The following GRM8 variants were observed in gnomAD, a reference collection of about 807,000 sequenced individuals.
GRM8 encodes the protein glutamate metabotropic receptor 8, also known as metabotropic glutamate receptor 8.
In GRM8, 47 loss-of-function variants were observed where a neutral mutation model predicts 87.2. The observed-to-expected ratio is 0.54, with a 90% CI of 0.43 to 0.69. The LOEUF (loss-of-function observed/expected upper bound fraction) is 0.69, where lower values mean the gene tolerates loss of function less well. GRM8 is among the 30% of genes least tolerant of loss of function. The pLI, the probability that GRM8 is intolerant of heterozygous loss-of-function variation, is 0.00. For synonymous variants in GRM8, 396 were observed against 404.5 expected (o/e 0.98, Z 0.25); for missense variants, 1,019 against 1,139.2 (o/e 0.89, Z 1.52).
At chr7:126,904,448 G>T in intron 4 of GRM8, 100 bp downstream of exon 4, 1 of 1,153,620 alleles carries the variant, frequency 8.7e-7, no homozygotes, top group Non-Finnish European at 1.3e-6. Flanking sequence ...GTCTGTTATT[G>T]GAAGGCAATT....
chr7:126,930,072 CTG>C (rs2131432291), intron 3 of GRM8, among the ~76,000 whole-genome samples: 1 of 152,266 alleles, frequency 6.6e-6, no homozygotes, highest in African/African-American at 2.4e-5. Flanking sequence ...AATCATAGCC[CTG>C]TGTCTTCACC....
At position 126,685,138 on chromosome 7, in the gene GRM8, TTGACAGCCAC is replaced by T. The variant is rs1165675857; in HGVS notation, c.1358-75650_1358-75641del. On this transcript the variant is annotated intron_variant, in intron 7 of 10. Transcript: ENST00000339582. The surrounding 1 kb of genome is among the most constrained non-coding windows in gnomAD (Gnocchi z 4.2). ...CAGGCCCCGGCCCCGCTTGCCACTC[TTGACAGCCAC>T]TGCTATGGGGAGTTCATGGGGAAGA... Among the ~76,000 whole-genome samples, 1 of 152,202 alleles carries T rather than the reference TTGACAGCCAC, an allele frequency of 6.6e-6. No individual in the cohort carries two copies. The highest frequency in any genetic ancestry group is 2.4e-5 in the African/African-American group (1 of 41,458).
intron 2 of GRM8, among the ~76,000 whole-genome samples, chr7:127,155,980 T>C (rs11563405): frequency 0.077 from 11,695 of 152,236 alleles, 627 homozygotes; most frequent in Middle Eastern, 0.12. Context: ...AGGCTGCCAA[T>C]GTTTAATAAC....
intron 6 of GRM8, among the ~76,000 whole-genome samples, chr7:126,807,357 A>G (rs79998218): frequency 1.8e-3 from 277 of 152,342 alleles, no homozygotes; most frequent in African/African-American, 6.3e-3. Flanking sequence ...AAAAAGGAAT[A>G]AGATTTCTCA....
At chr7:126,477,417 G>T (rs1806053227) in intron 9 of GRM8, among the ~76,000 whole-genome samples, 1 of 151,974 alleles carries the variant, frequency 6.6e-6, no homozygotes, top group Non-Finnish European at 1.5e-5. Context: ...TATGTGAGGT[G>T]ATGAATATGT....
chr7:127,149,039 C>T (rs760236797), intron 2 of GRM8, among the ~76,000 whole-genome samples: 6 of 151,856 alleles, frequency 4.0e-5, no homozygotes, highest in African/African-American at 1.5e-4. Flanking sequence ...TTGGATATCA[C>T]ATGAAAAGGT....
At chr7:126,475,095 A>G (rs755821438) in intron 9 of GRM8, among the ~76,000 whole-genome samples, 1 of 152,172 alleles carries the variant, frequency 6.6e-6, no homozygotes, top group Non-Finnish European at 1.5e-5. Context: ...TACTTTTGCC[A>G]TTTCTATTCA....
At chr7:126,684,310 A>G (rs1455581869) in intron 7 of GRM8, among the ~76,000 whole-genome samples, 2 of 152,138 alleles carry the variant, frequency 1.3e-5, no homozygotes, top group African/African-American at 2.4e-5. Flanking sequence ...AAAGTGGCCC[A>G]CTTTGTGTAT....
intron 9 of GRM8, among the ~76,000 whole-genome samples, chr7:126,508,519 A>T (rs150756028): frequency 6.6e-6 from 1 of 152,172 alleles, no homozygotes; most frequent in African/African-American, 2.4e-5. Flanking sequence ...TTAAATCTCA[A>T]CATGAGTTTT....
At chr7:127,232,212 T>TGTGTGTGTGTGTGTGTGTGAGA (rs1491132484) in intron 2 of GRM8, among the ~76,000 whole-genome samples, 9 of 143,554 alleles carry the variant, frequency 6.3e-5, no homozygotes, top group African/African-American at 1.6e-4. Flanking sequence ...TGTGTGTGTG[T>TGTGTGTGTGTGTGTGTGTGAGA]GAGAGAGAGA....
At chr7:126,498,271 T>C (rs1809080200) in intron 9 of GRM8, among the ~76,000 whole-genome samples, 1 of 151,880 alleles carries the variant, frequency 6.6e-6, no homozygotes, top group South Asian at 2.1e-4. Context: ...CTGTTTCTTA[T>C]AAAGAAAGGA....
At chr7:127,137,679 T>A (rs148445973) in intron 2 of GRM8, among the ~76,000 whole-genome samples, 1 of 152,220 alleles carries the variant, frequency 6.6e-6, no homozygotes, top group East Asian at 1.9e-4. Context: ...TTTGGGTTTG[T>A]CTGGGTCCCT....
intron 9 of GRM8, among the ~76,000 whole-genome samples, chr7:126,478,125 A>G (rs1563052025): frequency 6.6e-6 from 1 of 152,156 alleles, no homozygotes; most frequent in Non-Finnish European, 1.5e-5. Flanking sequence ...CCTTTTCCAT[A>G]TAAGATCACA....
intron 2 of GRM8, among the ~76,000 whole-genome samples, chr7:127,199,167 C>T (rs1795459319): frequency 6.6e-6 from 1 of 151,112 alleles, no homozygotes; most frequent in South Asian, 2.1e-4. Context: ...AGAGAGGGGT[C>T]TCACTATGTT....
chr7:127,058,756 T>A (rs1487638335), intron 3 of GRM8, among the ~76,000 whole-genome samples: 2 of 152,168 alleles, frequency 1.3e-5, no homozygotes, highest in African/African-American at 4.8e-5. Context: ...ATCACAGGCT[T>A]GGTGACAAGC....
intron 9 of GRM8, among the ~76,000 whole-genome samples, chr7:126,478,904 A>G (rs1422746534): frequency 6.6e-6 from 1 of 152,158 alleles, no homozygotes; most frequent in Non-Finnish European, 1.5e-5. Flanking sequence ...CCTAGATCAA[A>G]GCAGAAATGT....
chr7:126,551,102 A>C (rs1355543744), intron 8 of GRM8, among the ~76,000 whole-genome samples: 8 of 152,250 alleles, frequency 5.3e-5, no homozygotes, highest in Middle Eastern at 6.8e-3. Context: ...CATGCCTTGA[A>C]AATACCATCT....
chr7:127,043,891 G>T (rs1818679330), intron 3 of GRM8, among the ~76,000 whole-genome samples: 1 of 152,210 alleles, frequency 6.6e-6, no homozygotes, highest in Non-Finnish European at 1.5e-5. Context: ...TGACCAAGAG[G>T]TTTCTAGAGA....
chr7:126,732,973 T>C (rs1381190397), intron 7 of GRM8, among the ~76,000 whole-genome samples: 1 of 152,150 alleles, frequency 6.6e-6, no homozygotes, highest in African/African-American at 2.4e-5. Context: ...CACAAATCTG[T>C]AAACTTTCTT....
Sources: allele counts gnomAD v4.1 joint callset (sites outside exome capture counted in the v4.1 genomes callset), GRCh38; gene constraint gnomAD v4.1.1; non-coding constraint Gnocchi (gnomAD v3.1); transcripts MANE v1.5; gene names NCBI Gene and HGNC (gene_info 2026-07-23, HGNC 2026-07-21).